TARP: variants seen among roughly 807,000 people sequenced by gnomAD.
At chr7:38,263,142 C>A in the TARP span, among the ~76,000 whole-genome samples, 1 of 151,738 alleles carries the variant, frequency 6.6e-6, no homozygotes, top group South Asian at 2.1e-4. Context: ...ATAACAACAA[C>A]AATATTAATA....
chr7:38,269,840 C>A, the TARP span, among the ~76,000 whole-genome samples: 6 of 152,002 alleles, frequency 3.9e-5, no homozygotes, highest in Non-Finnish European at 7.4e-5. Flanking sequence ...TGGTTTGTGC[C>A]TATAATTCCA....
At chr7:38,261,095 C>T in the TARP span, among the ~76,000 whole-genome samples, 1 of 151,700 alleles carries the variant, frequency 6.6e-6, no homozygotes, top group African/African-American at 2.4e-5. Flanking sequence ...GATGAGAAAA[C>T]TGTTGCTCAC....
chr7:38,265,377 T>C, the TARP span: 2 of 1,611,962 alleles, frequency 1.2e-6, no homozygotes, highest in Non-Finnish European at 1.7e-6. Context: ...AGATAATTTC[T>C]TGATCAACTC....
the TARP span, among the ~76,000 whole-genome samples, chr7:38,262,897 A>T: frequency 6.6e-6 from 1 of 151,466 alleles, no homozygotes; most frequent in Non-Finnish European, 1.5e-5. Flanking sequence ...GGACTCAAGC[A>T]ATCTTCCTGC....
At chr7:38,266,253 C>T in the TARP span, among the ~76,000 whole-genome samples, 11 of 151,546 alleles carry the variant, frequency 7.3e-5, no homozygotes, top group South Asian at 4.2e-4. Context: ...ACTGATTCTG[C>T]GATGCACCAT....
chr7:38,273,310 T>C, the TARP span, among the ~76,000 whole-genome samples: 1 of 150,820 alleles, frequency 6.6e-6, no homozygotes, highest in Non-Finnish European at 1.5e-5. Flanking sequence ...ATCTCAAAAC[T>C]AAACTTGTTC....
chr7:38,265,802 C>T, the TARP span: 29 of 742,746 alleles, frequency 3.9e-5, 1 homozygote, highest in African/African-American at 3.2e-4. Flanking sequence ...GTGTCCACTG[C>T]GGCCTTTCAT....
chr7:38,261,882 A>AAG, the TARP span, among the ~76,000 whole-genome samples: 2 of 150,006 alleles, frequency 1.3e-5, no homozygotes, highest in African/African-American at 4.9e-5. Context: ...AAAAAAAAAA[A>AAG]AAAAGAAAAG....
the TARP span, chr7:38,273,528 G>C: frequency 7.5e-7 from 1 of 1,335,886 alleles, no homozygotes; most frequent in East Asian, 2.3e-5. Context: ...TTCTGAGCCA[G>C]CTCCTGCCTG....
the TARP span, among the ~76,000 whole-genome samples, chr7:38,264,948 AAC>A: frequency 6.6e-6 from 1 of 151,738 alleles, no homozygotes; most frequent in Non-Finnish European, 1.5e-5. Context: ...GCTTGGGCAG[AAC>A]ATTCCTGAAA....
At chr7:38,263,963 C>T in the TARP span, among the ~76,000 whole-genome samples, 28,776 of 138,884 alleles carry the variant, frequency 0.21, 3 homozygotes, top group African/African-American at 0.38. Context: ...ATGGTGACTT[C>T]ATTTATTAAA....
chr7:38,266,862 A>T, the TARP span, among the ~76,000 whole-genome samples: 1 of 151,812 alleles, frequency 6.6e-6, no homozygotes, highest in African/African-American at 2.4e-5. Flanking sequence ...GCAACTTTCC[A>T]AAACTCTTAT....
At chr7:38,264,416 C>A in the TARP span, among the ~76,000 whole-genome samples, 1 of 151,238 alleles carries the variant, frequency 6.6e-6, no homozygotes, top group African/African-American at 2.4e-5. Context: ...CATGGTGAAA[C>A]CCCATCTCTA....
chr7:38,264,399 T>C, the TARP span, among the ~76,000 whole-genome samples: 1 of 151,532 alleles, frequency 6.6e-6, no homozygotes. Context: ...GAGACCAGCC[T>C]GGCCAACATG....
At chr7:38,264,452 G>A in the TARP span, among the ~76,000 whole-genome samples, 32 of 151,412 alleles carry the variant, frequency 2.1e-4, no homozygotes, top group Non-Finnish European at 2.7e-4. Flanking sequence ...TTAGCCAGGT[G>A]TGGTGGCAGG....
the TARP span, among the ~76,000 whole-genome samples, chr7:38,264,276 G>T: frequency 8.3e-4 from 126 of 151,920 alleles, 1 homozygote; most frequent in African/African-American, 3.0e-3. Flanking sequence ...TAACGTAGCT[G>T]CCTTGGGAAG....
chr7:38,271,643 G>GA, the TARP span, among the ~76,000 whole-genome samples: 1 of 151,178 alleles, frequency 6.6e-6, no homozygotes, highest in Non-Finnish European at 1.5e-5. Flanking sequence ...TAGAATAACA[G>GA]AATAAATTGG....
the TARP span, among the ~76,000 whole-genome samples, chr7:38,269,073 G>A: frequency 1.3e-5 from 2 of 151,788 alleles, no homozygotes; most frequent in African/African-American, 4.9e-5. Flanking sequence ...GAGTGGTGGA[G>A]CCAGAGTTCC....
At chr7:38,264,320 C>A in the TARP span, among the ~76,000 whole-genome samples, 5 of 151,792 alleles carry the variant, frequency 3.3e-5, no homozygotes, top group Non-Finnish European at 7.4e-5. Context: ...AGGCTGGGCA[C>A]AGTGGCTGAC....
Sources: allele counts gnomAD v4.1 joint callset (sites outside exome capture counted in the v4.1 genomes callset), GRCh38; gene constraint gnomAD v4.1.1; transcripts MANE v1.5.